Variants in ART3 observed in about 807,000 individuals in gnomAD.
ART3 encodes ADP-ribosyltransferase 3 (inactive).
A neutral mutation model predicts 48.5 loss-of-function variants in ART3; 49 were observed. The observed-to-expected ratio is 1.01, with a 90% CI of 0.80 to 1.28. The LOEUF (loss-of-function observed/expected upper bound fraction) is 1.28, where lower values mean the gene tolerates loss of function less well. Among genes scored for constraint, ART3 ranks in the 50% most tolerant of loss-of-function variants. The pLI is 0.00. For synonymous variants in ART3, 145 were observed against 157.2 expected, an observed-to-expected ratio of 0.92 and a Z score of 0.58; for missense variants, 438 against 454.3, an observed-to-expected ratio of 0.96 and a Z score of 0.33.
At chr4:76,100,662 C>CA (rs1257321482) in intron 6 of ART3, 133 bp from the exon 7 acceptor site, 2 of 1,040,002 alleles carry the variant, frequency 1.9e-6, no homozygotes, top group African/African-American at 3.2e-5. Context: ...TGGGGGCTTG[C>CA]ATTTTGCAAG....
At chr4:76,076,074 G>GA in intron 2 of ART3, 116 bp downstream of exon 2, 3 of 853,450 alleles carry the variant, frequency 3.5e-6, no homozygotes, top group Non-Finnish European at 5.5e-6. Flanking sequence ...GCTCGATTTC[G>GA]GCTCACTGCA....
chr4:76,096,476 A>G (rs1200128647), intron 3 of ART3, among the ~76,000 whole-genome samples: 1 of 152,210 alleles, frequency 6.6e-6, no homozygotes, highest in Non-Finnish European at 1.5e-5. Context: ...ATTGTAGGTA[A>G]AGAGGCTCCT....
chr4:76,068,084 A>G (rs375207247), intron 1 of ART3, among the ~76,000 whole-genome samples: 13 of 152,316 alleles, frequency 8.5e-5, no homozygotes, highest in African/African-American at 2.4e-4. Flanking sequence ...ATTGGGATAC[A>G]TATATATCTG....
At chr4:76,095,773 T>G (rs950809856) in intron 3 of ART3, among the ~76,000 whole-genome samples, 68 of 152,274 alleles carry the variant, frequency 4.5e-4, no homozygotes, top group African/African-American at 1.3e-3. Flanking sequence ...GACAAAAGGC[T>G]TTTAAAATCC....
At chr4:76,027,514 A>G (rs4859593) in intron 1 of ART3, among the ~76,000 whole-genome samples, 83,505 of 139,790 alleles carry the variant, frequency 0.6, 25,891 homozygotes, top group East Asian at 0.93. Context: ...CAGTCAGAAA[A>G]ATTGGTAGAC....
At chr4:76,105,257 G>A (rs1021280879) in intron 10 of ART3, among the ~76,000 whole-genome samples, 1 of 152,146 alleles carries the variant, frequency 6.6e-6, no homozygotes, top group Non-Finnish European at 1.5e-5. Context: ...GGCAGCCACC[G>A]AGCATGGTGG....
chr4:76,073,942 T>C (rs1720595039), upstream of ART3, among the ~76,000 whole-genome samples: 1 of 152,242 alleles, frequency 6.6e-6, no homozygotes, highest in African/African-American at 2.4e-5. Flanking sequence ...TGTTGATGGA[T>C]ATTTGGTTTC....
chr4:76,057,459 A>G (rs534366686), intron 1 of ART3, among the ~76,000 whole-genome samples: 201 of 152,326 alleles, frequency 1.3e-3, no homozygotes, highest in African/African-American at 4.4e-3. Flanking sequence ...AGAGGAGTGA[A>G]GGAAATAAAG....
chr4:76,023,325 T>G, intron 1 of ART3: 1 of 1,414,704 alleles, frequency 7.1e-7, no homozygotes, highest in Non-Finnish European at 1.0e-6. Flanking sequence ...TTATACCTAT[T>G]CCTATTTCTC....
At chr4:76,084,753 G>A (rs755909875) in intron 3 of ART3, among the ~76,000 whole-genome samples, 14 of 152,154 alleles carry the variant, frequency 9.2e-5, no homozygotes, top group African/African-American at 3.1e-4. Flanking sequence ...AGCATTGCCT[G>A]TGGTAAACAT....
intron 1 of ART3, chr4:76,021,814 G>T: frequency 9.6e-7 from 1 of 1,041,454 alleles, no homozygotes; most frequent in Non-Finnish European, 1.5e-6. Context: ...TAGTGTAACT[G>T]CAAACTAAGA....
intron 5 of ART3, chr4:76,099,655 T>C (rs1183820410): frequency 6.5e-6 from 1 of 153,874 alleles, no homozygotes; most frequent in Non-Finnish European, 1.4e-5. Context: ...ACTCAGCATG[T>C]TTGCATCTCT....
chr4:76,035,915 AT>A, intron 1 of ART3: 1 of 1,610,720 alleles, frequency 6.2e-7, no homozygotes, highest in Non-Finnish European at 8.5e-7. Context: ...AGAAATAAAA[AT>A]TACTGCATAC....
rs560924447 is a variant in ART3 at position 76,097,787 on chromosome 4, T to C, written c.814+111T>C. The C allele has an allele frequency of 2.9e-4, 257 of 882,640 alleles. 1 individual carries two copies. Among genetic ancestry groups the C allele is most frequent in the Non-Finnish European group, 4.1e-4 (228 of 559,614 alleles). 54.7% of individuals were successfully genotyped at this position (882,640 alleles called of 1,614,324 possible). A position where few individuals can be genotyped will look rare whatever the true frequency, so the allele number is the denominator to read the frequency against. On this transcript the variant is annotated intron_variant, in intron 4 of 11. Transcript: ENST00000355810. The stretch of plus-strand genomic sequence containing the variant: ...GTACTGTCGTTCTGTCAAACATCAT[T>C]TTCTCAAGGCTAAATTGTGCTACTA...
chr4:76,091,455 A>G (rs1007315779), intron 3 of ART3, among the ~76,000 whole-genome samples: 1 of 152,072 alleles, frequency 6.6e-6, no homozygotes, highest in Admixed American at 6.5e-5. Context: ...GTGGTATTTT[A>G]TTGTAGTTTT....
chr4:76,021,981 A>G, intron 1 of ART3: 1 of 1,590,072 alleles, frequency 6.3e-7, no homozygotes. Context: ...TAAAAGTGTG[A>G]TAGTCTGACT....
intron 1 of ART3, among the ~76,000 whole-genome samples, chr4:76,046,595 G>A (rs141797046): frequency 0.012 from 1,785 of 152,060 alleles, 35 homozygotes; most frequent in African/African-American, 0.033. Context: ...GACTGGGCAG[G>A]CATTTTTTGC....
At chr4:76,050,730 G>A (rs1046489103) in intron 1 of ART3, among the ~76,000 whole-genome samples, 5 of 152,280 alleles carry the variant, frequency 3.3e-5, no homozygotes, top group South Asian at 2.1e-4. Context: ...GCGGAGGCTC[G>A]GGCCACACAG....
chr4:76,105,187 C>T (rs776608662), intron 10 of ART3, among the ~76,000 whole-genome samples: 13 of 152,144 alleles, frequency 8.5e-5, no homozygotes, highest in African/African-American at 1.2e-4. Context: ...CTCTTCAGCT[C>T]GCTAGTCCTG....
Sources: gnomAD v4.1 joint callset for allele counts (sites outside exome capture counted in the v4.1 genomes callset) on GRCh38, gnomAD v4.1.1 for gene constraint, MANE v1.5 for transcripts, NCBI Gene and HGNC (gene_info 2026-07-23, HGNC 2026-07-21) for gene names.